Variants in ZNF266 observed in about 807,000 individuals in gnomAD.
ZNF266 encodes the protein zinc finger protein 266, also known as zinc finger protein 1.
ZNF266 carries 16 observed loss-of-function variants against 16.4 expected under a neutral mutation model. The ratio of observed to expected loss-of-function variants is 0.98; its 90% CI spans 0.66 to 1.48. The LOEUF (loss-of-function observed/expected upper bound fraction) is 1.48. Among genes scored for constraint, ZNF266 ranks in the 40% most tolerant of loss-of-function variants. The pLI is 0.00. For synonymous variants in ZNF266, 262 were observed against 237.9 expected (o/e 1.10, Z -0.93); for missense variants, 738 against 689.1 (o/e 1.07, Z -0.79).
At chr19:9,426,888 T>C (rs1022361305) in intron 5 of ZNF266, among the ~76,000 whole-genome samples, 1 of 152,186 alleles carries the variant, frequency 6.6e-6, no homozygotes, top group African/African-American at 2.4e-5. Flanking sequence ...CCCATTGTCA[T>C]AGTACCCATG....
intron 8 of ZNF266, among the ~76,000 whole-genome samples, 166 bp from the exon 9 acceptor site, chr19:9,418,074 A>T (rs546626484): frequency 4.7e-4 from 71 of 152,348 alleles, no homozygotes; most frequent in Non-Finnish European, 2.4e-4. Context: ...GTGATCTCTG[A>T]TCCCTGAAGC....
At position 9,413,646 on chromosome 19, in the gene ZNF266, A is replaced by G. The variant is rs1186904107; in HGVS notation, c.1480T>C (p.Leu494=). 4 of 1,613,324 alleles carry G rather than the reference A, an allele frequency of 2.5e-6. No homozygotes were observed. The highest frequency in any genetic ancestry group is 3.4e-6 in the Non-Finnish European group (4 of 1,179,848). Residue 494 remains leucine, a synonymous_variant, in exon 11 of 11, where the codon TTG becomes CTG. Coordinates refer to ENST00000592904, the MANE Select transcript of ZNF266 (RefSeq NM_001370374.1). The part of the protein sequence containing the change: ...FAISSNLSGH[L]RIHTGEKPFE... ...GGCTTCTCTCCAGTGTGAATTCTCA[A>G]ATGTCCACTAAGATTTGAAGAAATA... is the stretch of plus-strand genomic sequence containing the variant.
chr19:9,419,865 C>T (rs2069584203), intron 6 of ZNF266, 200 bp downstream of exon 6: 1 of 148,096 alleles, frequency 6.8e-6, no homozygotes, highest in Non-Finnish European at 1.5e-5. Flanking sequence ...CATGCCACTG[C>T]ACTCCAGCCT....
At position 9,422,821 on chromosome 19, in the gene ZNF266, G is replaced by A. The variant is rs1283776586; in HGVS notation, c.-129-2603C>T. Among the ~76,000 whole-genome samples, 3 of 152,230 alleles carry A rather than the reference G, an allele frequency of 2.0e-5. 1 individual carries two copies. The highest frequency in any genetic ancestry group is 2.0e-4 in the Admixed American group (3 of 15,284). On this transcript the variant is annotated intron_variant, in intron 5 of 10. Coordinates refer to ENST00000592904, the MANE Select transcript of ZNF266 (RefSeq NM_001370374.1). ...GTATTGGCCTGCTTCTGGGTCTGGA[G>A]TAAGAGTTGACAAGATGCATGCATA...
intron 5 of ZNF266, among the ~76,000 whole-genome samples, chr19:9,425,924 C>T (rs183062262): frequency 3.9e-5 from 6 of 152,236 alleles, no homozygotes; most frequent in East Asian, 1.9e-4. Flanking sequence ...GTAAGGCAGG[C>T]GCTGGGCCAA....
rs2068562739 is a variant in ZNF266 at position 9,413,724 on chromosome 19, T to G, written c.1402A>C (p.Thr468Pro). The G allele has an allele frequency of 6.2e-7, 1 of 1,614,072 alleles. No individual in the cohort carries two copies. Among genetic ancestry groups the G allele is most frequent in the Non-Finnish European group, 8.5e-7 (1 of 1,180,040 alleles). ...TCAAAAGGCTTCTCTCCAGTGTGAG[T>G]TCTTGTATGTTCACTAAGGCGAGAG... ...RSSRLSEHTR[T>P]HTGEKPFECV... Residue 468 changes from threonine (T) to proline (P), a missense_variant, in exon 11 of 11, where the codon ACT becomes CCT. By Grantham distance (38) the Thr-to-Pro change is conservative. Coordinates refer to ENST00000592904, the MANE Select transcript of ZNF266 (RefSeq NM_001370374.1).
At chr19:9,428,243 AG>A (rs2071055957) in intron 5 of ZNF266, among the ~76,000 whole-genome samples, 1 of 152,196 alleles carries the variant, frequency 6.6e-6, no homozygotes, top group Admixed American at 6.5e-5. Context: ...GCTCTAGGTC[AG>A]GGAAACAACC....
chr19:9,422,874 C>T (rs1273149878), intron 5 of ZNF266, among the ~76,000 whole-genome samples: 2 of 152,080 alleles, frequency 1.3e-5, no homozygotes, highest in African/African-American at 4.8e-5. Flanking sequence ...CAAAAGTTGC[C>T]GATGGCTTGG....
At chr19:9,431,196 G>C (rs954684488) in intron 5 of ZNF266, among the ~76,000 whole-genome samples, 6 of 152,152 alleles carry the variant, frequency 3.9e-5, no homozygotes, top group African/African-American at 1.4e-4. Context: ...GCGACACGGT[G>C]GTCAGCAGTG....
intron 5 of ZNF266, among the ~76,000 whole-genome samples, chr19:9,423,946 G>A (rs917279742): frequency 2.0e-5 from 3 of 152,134 alleles, no homozygotes; most frequent in African/African-American, 7.2e-5. Flanking sequence ...GCAGTGAGCC[G>A]AGATTGTGCC....
intron 5 of ZNF266, among the ~76,000 whole-genome samples, chr19:9,423,250 G>A (rs1293704055): frequency 1.3e-5 from 2 of 152,278 alleles, no homozygotes; most frequent in South Asian, 2.1e-4. Context: ...TTCCTTAGAG[G>A]AGACCAGCCA....
chr19:9,425,086 C>T (rs1467165559), intron 5 of ZNF266, among the ~76,000 whole-genome samples: 3 of 152,130 alleles, frequency 2.0e-5, no homozygotes, highest in Admixed American at 2.0e-4. Flanking sequence ...CTCACTGGCC[C>T]CAAATCCAAC....
In ZNF266 at chr19:9,416,663, CTTTTTTTTTTT is replaced by C. The variant is rs368700653; in HGVS notation, c.317-932_317-922del. ...ACAGACGTGAGCCACCGTGCCAGGC[CTTTTTTTTTTT>C]TTTTTTTTTTTTTTTGAGACAGAGT... On this transcript the variant is annotated intron_variant, in intron 9 of 10. Transcript: ENST00000592904. Among the ~76,000 whole-genome samples, 45 of 56,974 alleles carry C rather than the reference CTTTTTTTTTTT, an allele frequency of 7.9e-4. 2 individuals are homozygous for C. In the East Asian group the frequency reaches 0.011, roughly 14 times the overall value. 37.4% of individuals were successfully genotyped at this position (56,974 alleles called of 152,430 possible). A position where few individuals can be genotyped will look rare whatever the true frequency, so the allele number is the denominator to read the frequency against.
intron 5 of ZNF266, among the ~76,000 whole-genome samples, chr19:9,425,217 C>A (rs2070554862): frequency 6.6e-6 from 1 of 152,186 alleles, no homozygotes; most frequent in Admixed American, 6.5e-5. Flanking sequence ...GGATAACGTC[C>A]ATGCACCTTA....
chr19:9,426,805 CT>C (rs1429754341), intron 5 of ZNF266, among the ~76,000 whole-genome samples: 1 of 152,184 alleles, frequency 6.6e-6, no homozygotes. Context: ...TCCCTAAAAT[CT>C]TAAAAGGGTA....
chr19:9,432,730 T>C (rs1337183665), intron 5 of ZNF266, among the ~76,000 whole-genome samples: 1 of 152,082 alleles, frequency 6.6e-6, no homozygotes, highest in Non-Finnish European at 1.5e-5. Flanking sequence ...CTAATAAAAA[T>C]AGGCTATTTA....
intron 5 of ZNF266, among the ~76,000 whole-genome samples, chr19:9,422,996 C>T (rs546217496): frequency 2.0e-5 from 3 of 152,306 alleles, no homozygotes; most frequent in Admixed American, 2.0e-4. Context: ...GAATGCCTGC[C>T]GTGATCCACT....
At position 9,435,425 on chromosome 19, in the gene ZNF266, C is replaced by G. The variant is rs2072322994; in HGVS notation, c.-699G>C. On this transcript the variant is annotated 5_prime_UTR_variant, in exon 1 of 11. Transcript: ENST00000592904. Reference sequence around the variant, plus strand: ...GCAAGGTCTCTCTAAGGAGGCCCCTCGGCGGCCTGGGGCAAACCGGTACTT... The same window carrying G: ...GCAAGGTCTCTCTAAGGAGGCCCCTGGGCGGCCTGGGGCAAACCGGTACTT... The G allele has an allele frequency of 2.0e-5, 3 of 152,268 alleles. No homozygotes were observed. The South Asian group carries it at 6.2e-4, about 32-fold the overall frequency. 9.4% of individuals were successfully genotyped at this position (152,268 alleles called of 1,614,324 possible).
In ZNF266 at chr19:9,418,552, A is replaced by T. The variant is rs1481546681; in HGVS notation, c.188T>A (p.Leu63His). The T allele has an allele frequency of 6.2e-7, 1 of 1,614,160 alleles. No homozygotes were observed. Among genetic ancestry groups the T allele is most frequent in the Admixed American group, 1.7e-5 (1 of 60,022 alleles). Residue 63 changes from leucine (L) to histidine (H), a missense_variant, in exon 8 of 11, where the codon CTC becomes CAC. By Grantham distance (99) the Leu-to-His change is moderately conservative (BLOSUM62 -3). Transcript: ENST00000592904. Reference protein sequence around the residue: ...WTLLDPTQRNLYRDVMLENYK... With the variant: ...WTLLDPTQRNHYRDVMLENYK... ...GTTCTCCAGCATCACATCTCTGTAG[A>T]GGTTTCTCTGAGTTGGGTCCAGTAA...
Sources: allele counts gnomAD v4.1 joint callset (sites outside exome capture counted in the v4.1 genomes callset), GRCh38; gene constraint gnomAD v4.1.1; transcripts MANE v1.5; gene names NCBI Gene and HGNC (gene_info 2026-07-23, HGNC 2026-07-21).